The following OSBP2 variants were observed in gnomAD, a reference collection of about 807,000 sequenced individuals.
OSBP2 encodes oxysterol binding protein 2.
Under a neutral mutation model 96.0 loss-of-function variants are expected in OSBP2, and 66 were observed. That is an observed-to-expected ratio of 0.69 (90% CI 0.56 to 0.84). OSBP2 has a LOEUF of 0.84. Ranked by LOEUF, OSBP2 falls within the 40% of genes least tolerant of loss-of-function variation. OSBP2 has a pLI of 0.00. For synonymous variants in OSBP2, 525 were observed against 520.9 expected, an observed-to-expected ratio of 1.01 and a Z score of -0.11; for missense variants, 1,038 against 1,222.7, an observed-to-expected ratio of 0.85 and a Z score of 2.25.
chr22:30,836,251 C>T (rs1409620520), intron 2 of OSBP2, among the ~76,000 whole-genome samples: 2 of 152,148 alleles, frequency 1.3e-5, no homozygotes, highest in African/African-American at 4.8e-5. Flanking sequence ...TAGTTCAAGT[C>T]CCCCTGCTCG....
Position 30,837,415 on chromosome 22 carries a change from C to T in OSBP2, c.854-33014C>T, listed in dbSNP as rs548963097. ...ACTGAGACCCCTTTTGCTGGGGTCC[C>T]GCTCGTCCCCATGAGAAGGAGGTGG... On this transcript the variant is annotated intron_variant, in intron 2 of 13. Transcript: ENST00000332585. Among the ~76,000 whole-genome samples, 129 of 152,256 alleles carry T rather than the reference C, an allele frequency of 8.5e-4. 1 individual carries two copies. Among genetic ancestry groups the T allele is most frequent in the Admixed American group, 2.0e-3 (30 of 15,290 alleles).
At chr22:30,811,581 G>C (rs1031410219) in intron 2 of OSBP2, among the ~76,000 whole-genome samples, 3 of 151,818 alleles carry the variant, frequency 2.0e-5, no homozygotes, top group Non-Finnish European at 4.4e-5. Context: ...TTGAGATGGA[G>C]TCTTGCTCTG....
intron 2 of OSBP2, among the ~76,000 whole-genome samples, chr22:30,837,665 G>A (rs550286237): frequency 1.3e-5 from 2 of 152,152 alleles, no homozygotes; most frequent in African/African-American, 2.4e-5. Context: ...CCCTGCGCTC[G>A]TTTGCCAGCT....
At position 30,890,847 on chromosome 22, in the gene OSBP2, C is replaced by T. The variant is rs375246814; in HGVS notation, c.1743C>T (p.Ala581=). The T allele has an allele frequency of 1.7e-5, 27 of 1,613,734 alleles. No individual in the cohort carries two copies. The highest frequency in any genetic ancestry group is 4.5e-5 in the East Asian group (2 of 44,896). ...TSSVEQMCLV[A]AFSVSSYSTT... ...CAGTGGAGCAGATGTGCCTGGTGGC[C>T]GCCTTCTCTGTGTCCTCCTACTCCA... Residue 581 remains alanine, a synonymous_variant, in exon 8 of 14, where the codon GCC becomes GCT. Coordinates refer to ENST00000332585, the MANE Select transcript of OSBP2 (RefSeq NM_030758.4). The surrounding 1 kb of genome is among the most constrained non-coding windows in gnomAD (Gnocchi z 4.4).
chr22:30,802,349 A>G (rs2145842722), intron 2 of OSBP2, among the ~76,000 whole-genome samples: 1 of 152,326 alleles, frequency 6.6e-6, no homozygotes, highest in East Asian at 1.9e-4. Context: ...TTGGATTCCA[A>G]GTGGGGATGG....
chr22:30,836,303 C>T (rs1336037749), intron 2 of OSBP2, among the ~76,000 whole-genome samples: 1 of 152,184 alleles, frequency 6.6e-6, no homozygotes, highest in Non-Finnish European at 1.5e-5. Flanking sequence ...AATGGGAAAA[C>T]AGGCTAGAGA....
chr22:30,902,338 A>AT, intron 12 of OSBP2: 2 of 1,587,656 alleles, frequency 1.3e-6, no homozygotes, highest in South Asian at 2.2e-5. Context: ...ACACAGATAA[A>AT]TTTAAAGGAT....
At chr22:30,889,340 C>A in intron 6 of OSBP2, 106 bp downstream of exon 6, 1 of 1,417,016 alleles carries the variant, frequency 7.1e-7, no homozygotes, top group Non-Finnish European at 9.8e-7. Flanking sequence ...AGGCCCATGC[C>A]CCAGTCCAGG....
intron 2 of OSBP2, among the ~76,000 whole-genome samples, chr22:30,820,449 C>A (rs922509645): frequency 1.2e-4 from 18 of 151,564 alleles, no homozygotes; most frequent in Non-Finnish European, 1.3e-4. Context: ...TATTCCAGAC[C>A]CCCCGCCACC....
At chr22:30,717,093 TGTGTGTGTGTG>T (rs2089473115) in intron 1 of OSBP2, among the ~76,000 whole-genome samples, 8 of 107,752 alleles carry the variant, frequency 7.4e-5, no homozygotes, top group South Asian at 3.5e-4. Context: ...ACTGTTTTTG[TGTGTGTGTGTG>T]TGTGTGTGTG....
rs867825782 is a variant in OSBP2 at position 30,724,740 on chromosome 22, T to C, written c.645-16421T>C. 4.3e-4 allele frequency among the ~76,000 whole-genome samples: 65 copies of C among 152,182 alleles called. 2 individuals carry two copies. Among genetic ancestry groups the C allele is most frequent in the Admixed American group, 4.1e-3 (62 of 15,262 alleles). ...TATGAGCGGGGCAGGGACGAGACAG[T>C]CCAGGTCCGTGTCTCATGGAACTTG... On this transcript the variant is annotated intron_variant, in intron 1 of 13. Coordinates refer to ENST00000332585, the MANE Select transcript of OSBP2 (RefSeq NM_030758.4).
chr22:30,811,990 G>GAACTACAGGTACACGCAACCAC, intron 2 of OSBP2, among the ~76,000 whole-genome samples: 1 of 151,562 alleles, frequency 6.6e-6, no homozygotes, highest in Non-Finnish European at 1.5e-5. Flanking sequence ...GAAGTACCTA[G>GAACTACAGGTACACGCAACCAC]AACTACAGGT....
intron 2 of OSBP2, among the ~76,000 whole-genome samples, chr22:30,811,164 AC>A (rs136249): frequency 0.48 from 65,858 of 136,930 alleles, 15,894 homozygotes; most frequent in African/African-American, 0.58. Context: ...AGTATACACA[AC>A]CCCCCCCCCA....
chr22:30,870,702 G>T lies in OSBP2; in HGVS notation c.1107+20G>T. The T allele has an allele frequency of 1.9e-6, 3 of 1,604,718 alleles. No individual in the cohort carries two copies. Among genetic ancestry groups the T allele is most frequent in the South Asian group, 1.1e-5 (1 of 90,840 alleles). On this transcript the variant is annotated intron_variant, in intron 3 of 13. Transcript: ENST00000332585. The surrounding 1 kb of genome is among the most constrained non-coding windows in gnomAD (Gnocchi z 4.1). The stretch of plus-strand genomic sequence containing the variant: ...ATCAACGTGAGTACCCACCCCCACC[G>T]CCCTGGCACGGGGCTCCCTGGCTCC...
chr22:30,758,945 G>A (rs759820991), intron 2 of OSBP2, among the ~76,000 whole-genome samples: 7 of 152,262 alleles, frequency 4.6e-5, no homozygotes, highest in South Asian at 4.1e-4. Flanking sequence ...CGTTCAAGCC[G>A]CACATGGATG....
intron 2 of OSBP2, among the ~76,000 whole-genome samples, chr22:30,787,686 A>G (rs9606773): frequency 2.0e-5 from 3 of 152,148 alleles, no homozygotes; most frequent in African/African-American, 7.2e-5. Context: ...AGAAAAAAGA[A>G]AAAAAAGAAT....
intron 3 of OSBP2, among the ~76,000 whole-genome samples, chr22:30,879,034 C>G (rs9606781): frequency 6.6e-6 from 1 of 152,204 alleles, no homozygotes; most frequent in Non-Finnish European, 1.5e-5. Context: ...GACAGGGCTT[C>G]TGATGTGGGG....
chr22:30,872,354 C>T (rs1361481311), intron 3 of OSBP2: 3 of 456,480 alleles, frequency 6.6e-6, no homozygotes, highest in Non-Finnish European at 1.3e-5. Flanking sequence ...CTACCCGAGA[C>T]CAAAACTGCT....
At chr22:30,804,868 T>C (rs540140890) in intron 2 of OSBP2, among the ~76,000 whole-genome samples, 1 of 152,322 alleles carries the variant, frequency 6.6e-6, no homozygotes, top group South Asian at 2.1e-4. Context: ...AAATATGAAG[T>C]CCAGAAGCAT....
Sources: gnomAD v4.1 joint callset for allele counts (sites outside exome capture counted in the v4.1 genomes callset) on GRCh38, gnomAD v4.1.1 for gene constraint, Gnocchi (gnomAD v3.1) non-coding constraint, MANE v1.5 for transcripts, NCBI Gene and HGNC (gene_info 2026-07-23, HGNC 2026-07-21) for gene names.